Variants in LSAMP observed in about 807,000 individuals in gnomAD.
LSAMP encodes the protein limbic system associated membrane protein.
LSAMP carries 7 observed loss-of-function variants against 38.6 expected under a neutral mutation model. The ratio of observed to expected loss-of-function variants is 0.18; its 90% CI spans 0.10 to 0.34. The LOEUF is 0.34. Ranked by LOEUF, LSAMP falls within the 10% of genes least tolerant of loss-of-function variation. The pLI is 1.00. For missense variants in LSAMP, 313 were observed against 420.0 expected (o/e 0.75, Z 2.23); for synonymous variants, 154 against 166.8 (o/e 0.92, Z 0.59).
intron 3 of LSAMP, among the ~76,000 whole-genome samples, chr3:115,904,574 CT>C (rs1936962396): frequency 6.6e-6 from 1 of 152,096 alleles, no homozygotes. Flanking sequence ...ATTAAAATTT[CT>C]TCCTAACCTG....
intron 1 of LSAMP, among the ~76,000 whole-genome samples, chr3:116,159,176 C>T (rs766372430): frequency 2.1e-4 from 32 of 152,028 alleles, no homozygotes; most frequent in Non-Finnish European, 3.8e-4. Flanking sequence ...TAGGAAATAC[C>T]ATTCTGGACA....
intron 1 of LSAMP, among the ~76,000 whole-genome samples, chr3:116,292,214 G>T (rs1413278208): frequency 6.6e-6 from 1 of 151,990 alleles, no homozygotes; most frequent in Non-Finnish European, 1.5e-5. Flanking sequence ...CACTGACAAG[G>T]CTCCTAATCT....
intron 1 of LSAMP, among the ~76,000 whole-genome samples, chr3:116,255,514 C>T (rs2046738901): frequency 1.3e-5 from 2 of 152,154 alleles, no homozygotes; most frequent in Admixed American, 1.3e-4. Flanking sequence ...CAAAGAGAAC[C>T]ATAAAAATTG....
intron 1 of LSAMP, among the ~76,000 whole-genome samples, chr3:116,258,563 A>C (rs1337506299): frequency 6.6e-6 from 1 of 152,130 alleles, no homozygotes; most frequent in Non-Finnish European, 1.5e-5. Flanking sequence ...TAAAAAGATG[A>C]TCCTTTATAA....
At chr3:115,890,498 T>A (rs1420565972) in intron 3 of LSAMP, among the ~76,000 whole-genome samples, 5 of 151,940 alleles carry the variant, frequency 3.3e-5, no homozygotes, top group Admixed American at 6.6e-5. Flanking sequence ...TTCCTTACTT[T>A]TCCAGTTAAG....
intron 1 of LSAMP, among the ~76,000 whole-genome samples, chr3:116,224,344 C>G (rs942437927): frequency 6.6e-6 from 1 of 152,178 alleles, no homozygotes; most frequent in African/African-American, 2.4e-5. Context: ...ATCCAAGAAA[C>G]AGGTGAACAA....
At chr3:116,133,486 A>AT (rs1158138218) in intron 1 of LSAMP, among the ~76,000 whole-genome samples, 2 of 151,656 alleles carry the variant, frequency 1.3e-5, no homozygotes, top group Admixed American at 6.6e-5. Context: ...ATATACATAT[A>AT]TTTTTTGGTA....
At chr3:116,440,125 T>C (rs181979337) in intron 1 of LSAMP, among the ~76,000 whole-genome samples, 2 of 152,342 alleles carry the variant, frequency 1.3e-5, no homozygotes, top group Non-Finnish European at 2.9e-5. Context: ...GCCCAGATCT[T>C]CTGAGTCGTA....
intron 6 of LSAMP, among the ~76,000 whole-genome samples, chr3:115,839,424 A>C (rs1445155016): frequency 6.6e-6 from 1 of 152,004 alleles, no homozygotes; most frequent in Non-Finnish European, 1.5e-5. Flanking sequence ...TAGACCTCCC[A>C]AAACTAACTG....
chr3:116,012,892 C>T lies in LSAMP; in HGVS notation c.514+6623G>A, dbSNP rs183602082. Reference sequence around the variant, plus strand: ...TTAATTTTCAGGATAATATATGATACGTATTCTATTTTTAAATGTATTTTA... The same window carrying T: ...TTAATTTTCAGGATAATATATGATATGTATTCTATTTTTAAATGTATTTTA... On this transcript the variant is annotated intron_variant, in intron 3 of 6. Coordinates refer to ENST00000490035, the MANE Select transcript of LSAMP (RefSeq NM_002338.5). 1.2e-4 allele frequency among the ~76,000 whole-genome samples: 18 copies of T among 152,160 alleles called. 1 individual carries two copies. The East Asian group carries it at 1.5e-3, about 13-fold the overall frequency.
chr3:116,415,891 A>G (rs1351536674), intron 1 of LSAMP, among the ~76,000 whole-genome samples: 1 of 152,100 alleles, frequency 6.6e-6, no homozygotes, highest in Admixed American at 6.6e-5. Flanking sequence ...GATCGGGGTG[A>G]AAGAAGCTGG....
intron 4 of LSAMP, among the ~76,000 whole-genome samples, chr3:115,847,786 C>A (rs1935208287): frequency 6.6e-6 from 1 of 152,188 alleles, no homozygotes; most frequent in Non-Finnish European, 1.5e-5. Flanking sequence ...CCATGTGGAA[C>A]TGTGAGTCAA....
intron 3 of LSAMP, among the ~76,000 whole-genome samples, chr3:116,002,193 C>G (rs570908071): frequency 2.0e-5 from 3 of 152,134 alleles, no homozygotes; most frequent in Non-Finnish European, 4.4e-5. Context: ...CAGCAGGAGA[C>G]AGGCTCCCCT....
intron 1 of LSAMP, among the ~76,000 whole-genome samples, chr3:116,317,455 A>AC (rs2047646595): frequency 1.3e-5 from 2 of 150,634 alleles, no homozygotes; most frequent in African/African-American, 4.9e-5. Flanking sequence ...TCCTGGGTTC[A>AC]CGCCATTCTC....
chr3:116,071,773 C>G (rs1474736726), intron 2 of LSAMP, among the ~76,000 whole-genome samples: 1 of 152,070 alleles, frequency 6.6e-6, no homozygotes, highest in Admixed American at 6.5e-5. Flanking sequence ...TAACAGGCCC[C>G]AGTGTGTGTT....
chr3:116,305,129 T>A (rs1481896226), intron 1 of LSAMP, among the ~76,000 whole-genome samples: 7 of 152,112 alleles, frequency 4.6e-5, no homozygotes, highest in Non-Finnish European at 1.0e-4. Context: ...TCCTTCCCTA[T>A]TCCCAGAGAA....
chr3:116,117,946 T>C (rs1392088919), intron 1 of LSAMP, among the ~76,000 whole-genome samples: 1 of 152,122 alleles, frequency 6.6e-6, no homozygotes, highest in African/African-American at 2.4e-5. Flanking sequence ...TCTTTTTTTT[T>C]TAAGATTGTT....
chr3:116,276,473 T>A (rs1563938), intron 1 of LSAMP, among the ~76,000 whole-genome samples: 35,881 of 151,692 alleles, frequency 0.24, 7,421 homozygotes, highest in African/African-American at 0.56. Flanking sequence ...GAGTTAAACT[T>A]TGAGGACACG....
intron 1 of LSAMP, among the ~76,000 whole-genome samples, chr3:116,392,666 A>G (rs2048719205): frequency 6.6e-6 from 1 of 152,162 alleles, no homozygotes; most frequent in African/African-American, 2.4e-5. Context: ...GAGGGTCTGA[A>G]ATCAGGGGGC....
Sources: allele counts gnomAD v4.1 joint callset (sites outside exome capture counted in the v4.1 genomes callset), GRCh38; gene constraint gnomAD v4.1.1; transcripts MANE v1.5; gene names NCBI Gene and HGNC (gene_info 2026-07-23, HGNC 2026-07-21).